PTPRO: variants seen among roughly 807,000 people sequenced by gnomAD.
The protein encoded by PTPRO is receptor-type tyrosine-protein phosphatase O.
Under a neutral mutation model 145.2 loss-of-function variants are expected in PTPRO, and 62 were observed. The ratio of observed to expected loss-of-function variants is 0.43; its 90% CI spans 0.35 to 0.53. The LOEUF (loss-of-function observed/expected upper bound fraction) is 0.53, where lower values mean the gene tolerates loss of function less well. Among genes scored for constraint, PTPRO ranks in the 20% least tolerant of loss-of-function variants. The pLI is 0.01. For synonymous variants in PTPRO, 565 were observed against 514.7 expected (o/e 1.10, Z -1.32); for missense variants, 1,345 against 1,482.7 (o/e 0.91, Z 1.53).
intron 12 of PTPRO, among the ~76,000 whole-genome samples, chr12:15,532,555 A>G (rs1030586038): frequency 6.6e-6 from 1 of 152,130 alleles, no homozygotes; most frequent in Non-Finnish European, 1.5e-5. Context: ...ACATTCCTCC[A>G]AACTTTCAAA....
chr12:15,434,304 A>T (rs574495915), intron 1 of PTPRO, among the ~76,000 whole-genome samples: 1 of 152,228 alleles, frequency 6.6e-6, no homozygotes, highest in Non-Finnish European at 1.5e-5. Context: ...AAATTTCAAA[A>T]TACTTTTAGG....
In PTPRO at chr12:15,516,891, A is replaced by G; in HGVS notation, c.1714A>G (p.Thr572Ala). The G allele has an allele frequency of 6.2e-7, 1 of 1,613,880 alleles. No individual in the cohort carries two copies. The highest frequency in any genetic ancestry group is 1.3e-5 in the African/African-American group (1 of 75,044). The change falls in exon 9 of 27, where the codon ACA (threonine) becomes GCA (alanine). Residue 572 changes from threonine (T) to alanine (A), a missense_variant. By Grantham distance (58) the Thr-to-Ala change is moderately conservative (BLOSUM62 0). Transcript: ENST00000281171. ...TGAAATGTTTTATTTCAACCCTGCTACAATGACATCAGAGTGGACCACCTA... is the reference window on the plus strand; with the variant it reads ...TGAAATGTTTTATTTCAACCCTGCTGCAATGACATCAGAGTGGACCACCTA... ...VVEMFYFNPA[T>A]MTSEWTTYYE...
chr12:15,359,824 C>G (rs1198369632), intron 1 of PTPRO, among the ~76,000 whole-genome samples: 1 of 152,156 alleles, frequency 6.6e-6, no homozygotes, highest in Non-Finnish European at 1.5e-5. Flanking sequence ...TTCAGCATCT[C>G]TCTAGGACTT....
chr12:15,581,725 A>G lies in PTPRO; in HGVS notation c.3179A>G (p.Tyr1060Cys), dbSNP rs1415999193. The G allele has an allele frequency of 1.2e-6, 2 of 1,613,874 alleles. No individual in the cohort carries two copies. Among genetic ancestry groups the G allele is most frequent in the Non-Finnish European group, 1.7e-6 (2 of 1,179,904 alleles). The change falls in exon 23 of 27, where the codon TAT becomes TGT. Residue 1060 changes from tyrosine to cysteine, a missense_variant. Tyr to Cys is a radical substitution (Grantham distance 194). Around this residue, in one of 3 missense-constraint regions of PTPRO, gnomAD observed 208 missense variants for 242.8 expected, o/e 0.86. Transcript: ENST00000281171. ...YWPFTEEPIAYGDITVEMISE... is the reference protein window; with the variant it reads ...YWPFTEEPIACGDITVEMISE... ...CCATTCACGGAAGAACCTATAGCCT[A>G]TGGAGACATCACTGTGGAGATGATT...
chr12:15,510,905 G>A (rs1221575777), intron 7 of PTPRO, among the ~76,000 whole-genome samples: 1 of 147,642 alleles, frequency 6.8e-6, no homozygotes, highest in Non-Finnish European at 1.5e-5. Context: ...AGTGGCTCAT[G>A]CCTGTAATCC....
intron 1 of PTPRO, among the ~76,000 whole-genome samples, chr12:15,405,151 A>G (rs1430495858): frequency 6.6e-6 from 1 of 152,172 alleles, no homozygotes; most frequent in Non-Finnish European, 1.5e-5. Context: ...TGACATAAAC[A>G]TTTAGTCCAT....
chr12:15,465,007 A>G (rs1000765428), intron 1 of PTPRO, among the ~76,000 whole-genome samples: 31 of 152,212 alleles, frequency 2.0e-4, no homozygotes, highest in African/African-American at 6.8e-4. Flanking sequence ...GAAAATATTT[A>G]ATGATGACAT....
At chr12:15,552,555 C>T (rs1394406165) in intron 15 of PTPRO, among the ~76,000 whole-genome samples, 1 of 152,082 alleles carries the variant, frequency 6.6e-6, no homozygotes, top group East Asian at 1.9e-4. Flanking sequence ...CCACTAGGAG[C>T]TTACTTACCT....
At chr12:15,361,642 C>G (rs1156829649) in intron 1 of PTPRO, among the ~76,000 whole-genome samples, 1 of 152,022 alleles carries the variant, frequency 6.6e-6, no homozygotes, top group East Asian at 1.9e-4. Context: ...CTACATTCAG[C>G]AGTGCGTTTA....
At chr12:15,379,751 A>G (rs1938801605) in intron 1 of PTPRO, among the ~76,000 whole-genome samples, 1 of 152,138 alleles carries the variant, frequency 6.6e-6, no homozygotes, top group African/African-American at 2.4e-5. Context: ...AAATAAATTA[A>G]TGGTTGCCTA....
chr12:15,445,822 C>T (rs1207472442), intron 1 of PTPRO, among the ~76,000 whole-genome samples: 1 of 151,930 alleles, frequency 6.6e-6, no homozygotes, highest in Non-Finnish European at 1.5e-5. Context: ...TAAATTAATC[C>T]TTATCTCCCT....
chr12:15,373,513 C>T (rs1016331868), intron 1 of PTPRO, among the ~76,000 whole-genome samples: 2 of 152,122 alleles, frequency 1.3e-5, no homozygotes, highest in Non-Finnish European at 2.9e-5. Context: ...TCTTTCCTCC[C>T]CACCCACTCT....
At chr12:15,481,188 C>A (rs1448219917) in intron 1 of PTPRO, among the ~76,000 whole-genome samples, 2 of 152,106 alleles carry the variant, frequency 1.3e-5, no homozygotes, top group Non-Finnish European at 2.9e-5. Flanking sequence ...TTTATGCTAG[C>A]CTCACAATTC....
intron 1 of PTPRO, among the ~76,000 whole-genome samples, chr12:15,457,844 C>T (rs539292599): frequency 4.1e-4 from 63 of 152,220 alleles, no homozygotes; most frequent in Admixed American, 1.2e-3. Context: ...TATGTCAGTA[C>T]TTTTCTGGCT....
At chr12:15,455,738 T>C (rs1941160046) in intron 1 of PTPRO, among the ~76,000 whole-genome samples, 1 of 152,224 alleles carries the variant, frequency 6.6e-6, no homozygotes, top group Non-Finnish European at 1.5e-5. Flanking sequence ...CATTTGTTAC[T>C]TCTAACAGTG....
At chr12:15,383,525 G>C (rs186285480) in intron 1 of PTPRO, among the ~76,000 whole-genome samples, 63 of 152,254 alleles carry the variant, frequency 4.1e-4, no homozygotes, top group East Asian at 1.9e-4. Context: ...TTGATTCTAA[G>C]CCAAATATGA....
intron 1 of PTPRO, among the ~76,000 whole-genome samples, chr12:15,452,059 G>T (rs989438627): frequency 6.6e-6 from 1 of 152,018 alleles, no homozygotes; most frequent in Non-Finnish European, 1.5e-5. Flanking sequence ...CAAAAAACTG[G>T]TTCTTTGAAA....
intron 25 of PTPRO, 110 bp downstream of exon 25, chr12:15,589,700 T>G (rs1044051363): frequency 1.6e-5 from 22 of 1,363,860 alleles, no homozygotes; most frequent in African/African-American, 2.9e-5. Context: ...GTATCTTTCT[T>G]TCCCATTTTC....
chr12:15,418,392 T>G (rs779113762), intron 1 of PTPRO, among the ~76,000 whole-genome samples: 2 of 151,752 alleles, frequency 1.3e-5, no homozygotes, highest in Non-Finnish European at 2.9e-5. Context: ...GTTGAGTGAA[T>G]GAAGTGCCTA....
Sources: allele counts gnomAD v4.1 joint callset (sites outside exome capture counted in the v4.1 genomes callset), GRCh38; gene constraint gnomAD v4.1.1; regional missense constraint gnomAD v4.1.1; transcripts MANE v1.5; gene names NCBI Gene and HGNC (gene_info 2026-07-23, HGNC 2026-07-21).